MAGI1: variants seen among roughly 807,000 people sequenced by gnomAD.
MAGI1 encodes the protein membrane-associated guanylate kinase, WW and PDZ domain-containing protein 1.
Under a neutral mutation model 139.9 loss-of-function variants are expected in MAGI1, and 58 were observed. The observed-to-expected ratio is 0.41, with a 90% CI of 0.34 to 0.52. MAGI1 has a LOEUF of 0.52. Among genes scored for constraint, MAGI1 ranks in the 20% least tolerant of loss-of-function variants. The pLI, the probability that MAGI1 is intolerant of heterozygous loss-of-function variation, is 0.12. For missense variants in MAGI1, 1,874 were observed against 1,901.6 expected (o/e 0.99, Z 0.27); for synonymous variants, 812 against 737.9 (o/e 1.10, Z -1.63).
chr3:65,430,904 T>A, intron 10 of MAGI1, 23 bp from the exon 11 acceptor site: 1 of 1,607,988 alleles, frequency 6.2e-7, no homozygotes, highest in Non-Finnish European at 8.5e-7. Flanking sequence ...AAGAAACGCA[T>A]AAGGAATGTC....
chr3:65,966,997 C>T (rs969971945), intron 1 of MAGI1, among the ~76,000 whole-genome samples: 2 of 152,130 alleles, frequency 1.3e-5, no homozygotes, highest in Admixed American at 6.6e-5. Flanking sequence ...TTAGCACTAC[C>T]GCGATTTCCA....
intron 1 of MAGI1, among the ~76,000 whole-genome samples, chr3:65,857,112 C>T (rs1170520008): frequency 6.6e-6 from 1 of 152,200 alleles, no homozygotes; most frequent in East Asian, 1.9e-4. Context: ...AGAAAGGCAG[C>T]CCTTCTTTCT....
chr3:65,986,153 AG>A (rs1485663041), intron 1 of MAGI1, among the ~76,000 whole-genome samples: 2 of 152,178 alleles, frequency 1.3e-5, no homozygotes, highest in Non-Finnish European at 2.9e-5. Flanking sequence ...CACTAAACAC[AG>A]GCATGTTTGC....
At chr3:65,544,492 G>C (rs575445356) in intron 2 of MAGI1, among the ~76,000 whole-genome samples, 1 of 152,292 alleles carries the variant, frequency 6.6e-6, no homozygotes, top group African/African-American at 2.4e-5. Flanking sequence ...TTCTAGACTA[G>C]ATGCTGTTAA....
At chr3:65,790,729 G>A (rs565838126) in intron 1 of MAGI1, among the ~76,000 whole-genome samples, 2 of 152,278 alleles carry the variant, frequency 1.3e-5, no homozygotes, top group Admixed American at 6.5e-5. Context: ...TCAGCCTCGC[G>A]GGGGAACATG....
intron 2 of MAGI1, among the ~76,000 whole-genome samples, chr3:65,553,814 C>A (rs907182031): frequency 6.6e-6 from 1 of 152,104 alleles, no homozygotes; most frequent in Non-Finnish European, 1.5e-5. Context: ...GTGGGTATCC[C>A]CATGATCCAT....
At chr3:65,472,544 G>A (rs1272701368) in intron 4 of MAGI1, among the ~76,000 whole-genome samples, 1 of 152,150 alleles carries the variant, frequency 6.6e-6, no homozygotes, top group Non-Finnish European at 1.5e-5. Flanking sequence ...ATTTCAGTTG[G>A]GAATTACTCT....
intron 1 of MAGI1, among the ~76,000 whole-genome samples, chr3:65,959,605 TTATTATTATTATTATTA>T (rs2064311190): frequency 4.7e-5 from 4 of 85,308 alleles, no homozygotes; most frequent in Non-Finnish European, 1.1e-4. Context: ...AGCATTTTTA[TTATTATTATTATTATTA>T]TTATTATTAT....
At chr3:65,376,484 C>T (rs762789453) in intron 17 of MAGI1, among the ~76,000 whole-genome samples, 56 of 152,326 alleles carry the variant, frequency 3.7e-4, no homozygotes, top group Non-Finnish European at 6.8e-4. Flanking sequence ...AATCTGAAAA[C>T]ACCTGATGAA....
chr3:65,786,715 C>T (rs2039418423), intron 1 of MAGI1, among the ~76,000 whole-genome samples: 1 of 151,046 alleles, frequency 6.6e-6, no homozygotes, highest in Admixed American at 6.6e-5. Flanking sequence ...GGGTTCACGC[C>T]ATTCTCCTGC....
intron 1 of MAGI1, among the ~76,000 whole-genome samples, chr3:65,808,389 C>T (rs1263843233): frequency 6.6e-6 from 1 of 152,044 alleles, no homozygotes; most frequent in Non-Finnish European, 1.5e-5. Context: ...ATCCCAGCTA[C>T]TCAGGAGGCT....
intron 10 of MAGI1, 70 bp downstream of exon 10, chr3:65,437,085 T>C: frequency 9.0e-7 from 1 of 1,111,638 alleles, no homozygotes; most frequent in East Asian, 2.5e-5. Context: ...ATTCCACTTT[T>C]CAAAATACCT....
chr3:66,011,934 T>C (rs1175032447), intron 1 of MAGI1, among the ~76,000 whole-genome samples: 1 of 151,526 alleles, frequency 6.6e-6, no homozygotes, highest in Non-Finnish European at 1.5e-5. Flanking sequence ...TCAAGTAAAA[T>C]GCAATTCTAG....
At chr3:65,775,004 T>C (rs1206135618) in intron 1 of MAGI1, among the ~76,000 whole-genome samples, 1 of 152,180 alleles carries the variant, frequency 6.6e-6, no homozygotes, top group African/African-American at 2.4e-5. Context: ...GTACCCAGCA[T>C]ACAATAAGAG....
chr3:65,436,492 G>C (rs756952081), intron 10 of MAGI1, among the ~76,000 whole-genome samples: 2 of 152,054 alleles, frequency 1.3e-5, no homozygotes. Flanking sequence ...AAACAAACAA[G>C]ACCTATTGAA....
chr3:65,698,419 G>T lies in MAGI1; in HGVS notation c.314-76331C>A, dbSNP rs973150688. Among the ~76,000 whole-genome samples, 33 of 148,578 alleles carry T rather than the reference G, an allele frequency of 2.2e-4. No individual in the cohort carries two copies. The East Asian group carries it at 3.6e-3, about 16-fold the overall frequency. Reference sequence around the variant, plus strand: ...CCAAAAAAGAGCCCGCATCACCAAGGCAATCCTAAGCCAAAAGAACAAAGC... The same window carrying T: ...CCAAAAAAGAGCCCGCATCACCAAGTCAATCCTAAGCCAAAAGAACAAAGC... On this transcript the variant is annotated intron_variant, in intron 1 of 22. Coordinates refer to ENST00000402939, the MANE Select transcript of MAGI1 (RefSeq NM_001033057.2).
At chr3:65,600,610 G>A (rs2082434123) in intron 2 of MAGI1, among the ~76,000 whole-genome samples, 1 of 146,698 alleles carries the variant, frequency 6.8e-6, no homozygotes, top group Non-Finnish European at 1.5e-5. Flanking sequence ...AAACCAGTAG[G>A]TCCTGGGCTA....
intron 1 of MAGI1, among the ~76,000 whole-genome samples, chr3:65,887,456 A>C (rs1323862938): frequency 1.1e-4 from 17 of 151,734 alleles, no homozygotes; most frequent in Admixed American, 1.1e-3. Context: ...ATAAAACCAC[A>C]GCCTTCTGAA....
chr3:66,032,619 A>T (rs2068681207), intron 1 of MAGI1, among the ~76,000 whole-genome samples: 1 of 151,822 alleles, frequency 6.6e-6, no homozygotes, highest in Non-Finnish European at 1.5e-5. Context: ...GGGGAAACAG[A>T]CAATAAAGAA....
Sources: allele counts gnomAD v4.1 joint callset (sites outside exome capture counted in the v4.1 genomes callset), GRCh38; gene constraint gnomAD v4.1.1; transcripts MANE v1.5; gene names NCBI Gene and HGNC (gene_info 2026-07-23, HGNC 2026-07-21).